The following CASD1 variants were observed in gnomAD, a reference collection of about 807,000 sequenced individuals.
The protein encoded by CASD1 is N-acetylneuraminate (7)9-O-acetyltransferase.
In CASD1, 41 loss-of-function variants were observed where a neutral mutation model predicts 100.0. That is an observed-to-expected ratio of 0.41 (90% CI 0.32 to 0.53). CASD1 has a LOEUF of 0.53. CASD1 is among the 20% of genes least tolerant of loss of function. CASD1 has a pLI of 0.25. For missense variants in CASD1, 774 were observed against 948.7 expected (o/e 0.82, Z 2.42); for synonymous variants, 321 against 315.6 (o/e 1.02, Z -0.18).
chr7:94,608,160 A>G, the CASD1 span, among the ~76,000 whole-genome samples: 1 of 152,094 alleles, frequency 6.6e-6, no homozygotes, highest in South Asian at 2.1e-4. Flanking sequence ...CCTGGCCAAC[A>G]TGACAAAACC....
intron 10 of CASD1, among the ~76,000 whole-genome samples, chr7:94,544,066 T>C (rs773551463): frequency 1.8e-4 from 28 of 152,216 alleles, no homozygotes; most frequent in Non-Finnish European, 3.5e-4. Flanking sequence ...TGAATTTTAA[T>C]TGGGTACAAG....
chr7:94,625,372 T>C, the CASD1 span: 85 of 152,146 alleles, frequency 5.6e-4, no homozygotes, highest in African/African-American at 1.9e-3. Flanking sequence ...TTTTTTTATC[T>C]TTTTACTATA....
chr7:94,605,391 CTTAA>C, the CASD1 span, among the ~76,000 whole-genome samples: 5 of 152,088 alleles, frequency 3.3e-5, no homozygotes, highest in Admixed American at 6.6e-5. Flanking sequence ...TTTTATTTTT[CTTAA>C]TTGATCTAAC....
chr7:94,622,314 G>A, the CASD1 span: 1 of 152,056 alleles, frequency 6.6e-6, no homozygotes, highest in Non-Finnish European at 1.5e-5. Flanking sequence ...ACATAGGGAG[G>A]ATCATTCCAT....
intron 13 of CASD1, among the ~76,000 whole-genome samples, chr7:94,548,011 C>T (rs1795761680): frequency 6.6e-6 from 1 of 151,284 alleles, no homozygotes; most frequent in African/African-American, 2.4e-5. Context: ...ACTACTATTT[C>T]TGCTTGACAC....
intron 3 of CASD1, among the ~76,000 whole-genome samples, chr7:94,523,104 A>C (rs1306292734): frequency 6.6e-6 from 1 of 152,210 alleles, no homozygotes; most frequent in Non-Finnish European, 1.5e-5. Flanking sequence ...AAATGTTCTT[A>C]ATGGTGAAAT....
At chr7:94,610,199 G>GGGGGGAA in the CASD1 span, among the ~76,000 whole-genome samples, 5 of 152,130 alleles carry the variant, frequency 3.3e-5, no homozygotes, top group South Asian at 2.1e-4. Flanking sequence ...GCCAGAAGTT[G>GGGGGGAA]GGGGGAAGGA....
the CASD1 span, among the ~76,000 whole-genome samples, chr7:94,630,589 A>G: frequency 6.6e-6 from 1 of 151,932 alleles, no homozygotes; most frequent in Admixed American, 6.6e-5. Flanking sequence ...TACTTAAGAC[A>G]TATGATATGA....
chr7:94,530,334 A>C (rs1794787788), intron 5 of CASD1, among the ~76,000 whole-genome samples: 1 of 152,144 alleles, frequency 6.6e-6, no homozygotes, highest in Non-Finnish European at 1.5e-5. Flanking sequence ...TGGAGCTGAC[A>C]TACAAAATGC....
At chr7:94,614,107 C>CAAAAAAAAAAAAAAAAAAA in the CASD1 span, among the ~76,000 whole-genome samples, 1 of 94,932 alleles carries the variant, frequency 1.1e-5, no homozygotes, top group Non-Finnish European at 2.0e-5. Flanking sequence ...AAATTGAAAT[C>CAAAAAAAAAAAAAAAAAAA]AAAAAAAAAA....
intron 1 of CASD1, 21 bp downstream of exon 1, chr7:94,510,238 G>A (rs1159628014): frequency 3.4e-5 from 50 of 1,450,090 alleles, no homozygotes; most frequent in Non-Finnish European, 4.1e-5. Context: ...CCTCCCCTCT[G>A]CCCGGGCAGG....
Position 94,555,576 on chromosome 7 carries a change from A to G in CASD1, c.2212A>G (p.Ile738Val), listed in dbSNP as rs1340892081. 7 of 1,613,448 alleles carry G rather than the reference A, an allele frequency of 4.3e-6. No individual in the cohort carries two copies. The highest frequency in any genetic ancestry group is 5.1e-6 in the Non-Finnish European group (6 of 1,179,706). Residue 738 changes from isoleucine to valine, a missense_variant, in exon 18 of 18, where the codon ATC becomes GTC. Ile to Val is a conservative substitution (Grantham distance 29). Coordinates refer to ENST00000297273, the MANE Select transcript of CASD1 (RefSeq NM_022900.5). ...GATACCTGGAAACCCTATGCTCAAC[A>G]TCATTGTCAGCACTTTCATATTTGT... Reference protein sequence around the residue: ...VLIPGNPMLNIIVSTFIFVCV... With the variant: ...VLIPGNPMLNVIVSTFIFVCV...
chr7:94,539,117 T>G, intron 10 of CASD1, 61 bp downstream of exon 10: 1 of 946,144 alleles, frequency 1.1e-6, no homozygotes, highest in Non-Finnish European at 1.7e-6. Context: ...AATGTTTCTT[T>G]AAGGGCACCA....
At chr7:94,513,472 G>A (rs538120771) in intron 1 of CASD1, among the ~76,000 whole-genome samples, 3 of 151,924 alleles carry the variant, frequency 2.0e-5, no homozygotes, top group South Asian at 2.1e-4. Flanking sequence ...CAATCTAAAC[G>A]TGCTTTGCCC....
At position 94,549,637 on chromosome 7, in the gene CASD1, A is replaced by G. The variant is rs1445504332; in HGVS notation, c.1815+3A>G. 2 of 1,574,532 alleles carry G rather than the reference A, an allele frequency of 1.3e-6. No homozygotes were observed. Among genetic ancestry groups the G allele is most frequent in the Non-Finnish European group, 1.7e-6 (2 of 1,158,944 alleles). ...TCAGATGGAGGTTAGACCGTTATGT[A>G]TGTATTTACTTTGTGATATTTTGTC... On this transcript the variant is annotated splice_donor_region_variant and intron_variant, in intron 14 of 17. Coordinates refer to ENST00000297273, the MANE Select transcript of CASD1 (RefSeq NM_022900.5).
At position 94,533,849 on chromosome 7, in the gene CASD1, G is replaced by A. The variant is rs753142538; in HGVS notation, c.628+47G>A. 32 of 1,456,294 alleles carry A rather than the reference G, an allele frequency of 2.2e-5. 2 individuals are homozygous for A. In the South Asian group the frequency reaches 4.5e-4, roughly 21 times the overall value. 90.2% of individuals were successfully genotyped at this position (1,456,294 alleles called of 1,614,324 possible). A position where few individuals can be genotyped will look rare whatever the true frequency, so the allele number is the denominator to read the frequency against. The stretch of plus-strand genomic sequence containing the variant: ...AATGTCACTTTGTGTATATTTTGAA[G>A]CATGGGTTTTTATTATCTCCTGTTT... On this transcript the variant is annotated intron_variant, in intron 7 of 17. Transcript: ENST00000297273.
chr7:94,564,814 T>C, the CASD1 span, among the ~76,000 whole-genome samples: 4 of 152,164 alleles, frequency 2.6e-5, no homozygotes, highest in African/African-American at 9.7e-5. Flanking sequence ...TTAGTAAATG[T>C]CTGTAAATCT....
At chr7:94,600,805 C>G in the CASD1 span, 11 of 1,613,116 alleles carry the variant, frequency 6.8e-6, no homozygotes, top group Non-Finnish European at 9.3e-6. Flanking sequence ...AGGTAAAATC[C>G]CCTCTCCACG....
the CASD1 span, among the ~76,000 whole-genome samples, chr7:94,604,748 G>A: frequency 7.8e-6 from 1 of 128,814 alleles, no homozygotes; most frequent in Non-Finnish European, 1.6e-5. Flanking sequence ...TGAGGCATAG[G>A]CTCACTAAAA....
Sources: gnomAD v4.1 joint callset for allele counts (sites outside exome capture counted in the v4.1 genomes callset) on GRCh38, gnomAD v4.1.1 for gene constraint, MANE v1.5 for transcripts, NCBI Gene and HGNC (gene_info 2026-07-23, HGNC 2026-07-21) for gene names.